Variants in ZNF425 observed in about 807,000 individuals in gnomAD.
ZNF425 encodes the protein zinc finger protein 425.
In ZNF425, 21 loss-of-function variants were observed where a neutral mutation model predicts 17.0. That is an observed-to-expected ratio of 1.23 (90% CI 0.88 to 1.78). ZNF425 has a LOEUF of 1.78. Among genes scored for constraint, ZNF425 ranks in the 40% most tolerant of loss-of-function variants. The pLI, the probability that ZNF425 is intolerant of heterozygous loss-of-function variation, is 0.00. For missense variants in ZNF425, 868 were observed against 967.3 expected, an observed-to-expected ratio of 0.90 and a Z score of 1.36; for synonymous variants, 433 against 384.1, an observed-to-expected ratio of 1.13 and a Z score of -1.49.
intron 3 of ZNF425, among the ~76,000 whole-genome samples, chr7:149,111,149 T>G (rs370705884): frequency 6.6e-6 from 1 of 151,786 alleles, no homozygotes; most frequent in Non-Finnish European, 1.5e-5. Context: ...TGTTTTTTTT[T>G]AAATAACATA....
intron 3 of ZNF425, among the ~76,000 whole-genome samples, chr7:149,110,418 T>C (rs1826155232): frequency 6.6e-6 from 1 of 151,494 alleles, no homozygotes. Context: ...ATATAAAAAC[T>C]AGCCAGGCGT....
chr7:149,104,414 G>A lies in ZNF425; in HGVS notation c.1457C>T (p.Ala486Val), dbSNP rs768965764. 1 of 1,603,980 alleles carries A rather than the reference G, an allele frequency of 6.2e-7. No individual in the cohort carries two copies. ...GKRFTRPSKL[A>V]CHTRVHDRQK... ...CCTGTCGTGGACTCTGGTGTGGCAGGCGAGCTTGGAAGGCCGCGTGAAGCG... is the reference window on the plus strand; with the variant it reads ...CCTGTCGTGGACTCTGGTGTGGCAGACGAGCTTGGAAGGCCGCGTGAAGCG... Residue 486 changes from alanine to valine, a missense_variant, in exon 4 of 4, where the codon GCC (alanine) becomes GTC (valine). Transcript: ENST00000378061. The surrounding 1 kb of genome is among the most constrained non-coding windows in gnomAD (Gnocchi z 4.3).
rs113677288 is a variant in ZNF425 at position 149,117,898 on chromosome 7, C to T, written c.145+324G>A. 5.9e-5 allele frequency among the ~76,000 whole-genome samples: 9 copies of T among 152,036 alleles called. No individual in the cohort carries two copies. The South Asian group carries it at 1.5e-3, about 25-fold the overall frequency. On this transcript the variant is annotated intron_variant, in intron 2 of 3. Coordinates refer to ENST00000378061, the MANE Select transcript of ZNF425 (RefSeq NM_001001661.3). ...AACTCCTGATCTCAGGTGATCCACCCGCCTCAGCCTCCCAAAGTGCTGGGA... is the reference window on the plus strand; with the variant it reads ...AACTCCTGATCTCAGGTGATCCACCTGCCTCAGCCTCCCAAAGTGCTGGGA...
In ZNF425 at chr7:149,104,654, C is replaced by CT; in HGVS notation, c.1216dup (p.Arg406LysfsTer15). 6.2e-7 allele frequency: 1 copy of CT among 1,614,156 alleles called. No individual in the cohort carries two copies. The highest frequency in any genetic ancestry group is 8.5e-7 in the Non-Finnish European group (1 of 1,180,036). On this transcript the variant is annotated frameshift_variant, in exon 4 of 4. Transcript: ENST00000378061. LOFTEE classifies it low-confidence loss of function (END_TRUNC). This position sits in a 1 kb window ranked among gnomAD's most constrained non-coding sequence, Gnocchi z 4.3. ...AAAGGGCTTCTCTCCCGTGTGAACT[C>CT]TGATGTGCTCGTCCAGCTTAATCTT...
Position 149,106,795 on chromosome 7 carries a change from C to T in ZNF425, c.305-1229G>A, listed in dbSNP as rs1585482421. ...TGATCATCTGACTATACCATTACAT[C>T]TATGAAATAAATGGCAAATATTTAA... On this transcript the variant is annotated intron_variant, in intron 3 of 3. Coordinates refer to ENST00000378061, the MANE Select transcript of ZNF425 (RefSeq NM_001001661.3). Among the ~76,000 whole-genome samples, 2 of 152,150 alleles carry T rather than the reference C, an allele frequency of 1.3e-5. 1 individual carries two copies. The highest frequency in any genetic ancestry group is 4.1e-4 in the South Asian group (2 of 4,820).
In ZNF425 at chr7:149,126,227, G is replaced by A; in HGVS notation, c.-14C>T. 6.2e-7 allele frequency: 1 copy of A among 1,610,718 alleles called. No individual in the cohort carries two copies. Among genetic ancestry groups the A allele is most frequent in the Non-Finnish European group, 8.5e-7 (1 of 1,178,926 alleles). On this transcript the variant is annotated 5_prime_UTR_variant, in exon 1 of 4. Coordinates refer to ENST00000378061, the MANE Select transcript of ZNF425 (RefSeq NM_001001661.3). Reference sequence around the variant, plus strand: ...CGGCTCGGCCATGGCGGTTCCGCACGAACCGGCCCTGCCTGGCACGGCCTC... The same window carrying A: ...CGGCTCGGCCATGGCGGTTCCGCACAAACCGGCCCTGCCTGGCACGGCCTC...
intron 3 of ZNF425, among the ~76,000 whole-genome samples, chr7:149,110,065 C>T (rs1027512354): frequency 1.3e-5 from 2 of 151,452 alleles, no homozygotes; most frequent in African/African-American, 2.4e-5. Context: ...TCAGTAGAAA[C>T]GGGTTTCATG....
intron 3 of ZNF425, among the ~76,000 whole-genome samples, chr7:149,110,796 C>CTTT (rs71192754): frequency 0.028 from 3,708 of 133,178 alleles, 208 homozygotes; most frequent in African/African-American, 0.098. Flanking sequence ...ATCCCTTGTT[C>CTTT]TTTTTTTTTT....
intron 1 of ZNF425, 57 bp from the exon 2 acceptor site, chr7:149,118,405 A>T: frequency 1.3e-6 from 2 of 1,585,792 alleles, no homozygotes; most frequent in South Asian, 2.2e-5. Flanking sequence ...TTTGTTTTTC[A>T]ATGTCCATTA....
intron 1 of ZNF425, among the ~76,000 whole-genome samples, chr7:149,122,066 T>C (rs1826364972): frequency 6.7e-6 from 1 of 149,874 alleles, no homozygotes; most frequent in African/African-American, 2.5e-5. Context: ...CAGGCACCCG[T>C]CACCACCGCC....
At chr7:149,111,406 A>G (rs1042788908) in intron 3 of ZNF425, among the ~76,000 whole-genome samples, 28 of 151,298 alleles carry the variant, frequency 1.9e-4, no homozygotes, top group African/African-American at 6.5e-4. Flanking sequence ...CCTGGCCAAT[A>G]TGGTGAAACC....
Position 149,118,202 on chromosome 7 carries a change from T to G in ZNF425, c.145+20A>C. The stretch of plus-strand genomic sequence containing the variant: ...ATTAGGTTGGTTCCTAAAAAGTGAT[T>G]CCTTAGAAGCTCATCTTACCCAGGG... On this transcript the variant is annotated intron_variant, in intron 2 of 3. Transcript: ENST00000378061. 1 of 1,613,862 alleles carries G rather than the reference T, an allele frequency of 6.2e-7. No individual in the cohort carries two copies.
chr7:149,114,223 TA>T, intron 2 of ZNF425, among the ~76,000 whole-genome samples: 1 of 84,706 alleles, frequency 1.2e-5, no homozygotes. Context: ...CACGCCCAGC[TA>T]ATTTTTTTTT....
intron 3 of ZNF425, among the ~76,000 whole-genome samples, chr7:149,109,864 ATT>A (rs1309728202): frequency 6.7e-6 from 1 of 149,460 alleles, no homozygotes; most frequent in Admixed American, 6.7e-5. Context: ...ATAATTCTTT[ATT>A]TATTTTCTTT....
At chr7:149,114,264 G>A (rs947070401) in intron 2 of ZNF425, among the ~76,000 whole-genome samples, 25 of 149,016 alleles carry the variant, frequency 1.7e-4, no homozygotes, top group African/African-American at 6.2e-4. Context: ...AGTAGAGACG[G>A]GGTTTCACCA....
Position 149,104,262 on chromosome 7 carries a change from G to A in ZNF425, c.1609C>T (p.Arg537Ter), listed in dbSNP as rs1162288223. 2.5e-6 allele frequency: 4 copies of A among 1,613,618 alleles called. No individual in the cohort carries two copies. The highest frequency in any genetic ancestry group is 1.3e-5 in the African/African-American group (1 of 75,058). The change falls in exon 4 of 4, where the codon CGA becomes TGA. Residue 537 changes from arginine (R) to a stop codon, truncating the protein, a stop_gained. Coordinates refer to ENST00000378061, the MANE Select transcript of ZNF425 (RefSeq NM_001001661.3). LOFTEE classifies it low-confidence loss of function (END_TRUNC). The surrounding 1 kb of genome is among the most constrained non-coding windows in gnomAD (Gnocchi z 4.3). The stretch of plus-strand genomic sequence containing the variant: ...GTGTGCTCTGTGAGATGCGCGCGTC[G>A]GCGGAAACTGCGGCCGCACTCGGCG... ...SCAECGRSFRRRAHLTEHTRL... is the reference protein window; with the variant it reads ...SCAECGRSFR
chr7:149,104,996 T>A lies in ZNF425; in HGVS notation c.875A>T (p.His292Leu). ...CCGCTCCCCGCGGTGTAGACACAGG[T>A]GCTTCTTCAGGTTGGCCCTGTACCG... is the stretch of plus-strand genomic sequence containing the variant. ...TFRYRANLKK[H>L]LCLHRGERPF... Residue 292 changes from histidine to leucine, a missense_variant, in exon 4 of 4, where the codon CAC becomes CTC. This residue lies in a region of ZNF425 where 243 missense variants were observed against 265.2 expected (regional missense o/e 0.92). Coordinates refer to ENST00000378061, the MANE Select transcript of ZNF425 (RefSeq NM_001001661.3). The surrounding 1 kb of genome is among the most constrained non-coding windows in gnomAD (Gnocchi z 4.3). 1 of 1,614,170 alleles carries A rather than the reference T, an allele frequency of 6.2e-7. No individual in the cohort carries two copies. The highest frequency in any genetic ancestry group is 8.5e-7 in the Non-Finnish European group (1 of 1,180,034).
chr7:149,107,835 C>CATTT (rs55746271), intron 3 of ZNF425, among the ~76,000 whole-genome samples: 70,041 of 137,748 alleles, frequency 0.51, 18,579 homozygotes, highest in South Asian at 0.6. Flanking sequence ...AACTCTCTCC[C>CATTT]ATTTATTTAT....
intron 2 of ZNF425, among the ~76,000 whole-genome samples, chr7:149,116,413 A>G (rs1826266889): frequency 6.6e-6 from 1 of 152,226 alleles, no homozygotes; most frequent in Non-Finnish European, 1.5e-5. Context: ...CAAGGAGTTG[A>G]TTCTTCTTTT....
Sources: allele counts gnomAD v4.1 joint callset (sites outside exome capture counted in the v4.1 genomes callset), GRCh38; gene constraint gnomAD v4.1.1; regional missense constraint gnomAD v4.1.1; non-coding constraint Gnocchi (gnomAD v3.1); transcripts MANE v1.5; gene names NCBI Gene and HGNC (gene_info 2026-07-23, HGNC 2026-07-21).